GPR153: variants seen among roughly 807,000 people sequenced by gnomAD.
GPR153 encodes probable G protein-coupled receptor 153.
In GPR153, 27 loss-of-function variants were observed where a neutral mutation model predicts 34.1. That is an observed-to-expected ratio of 0.79 (90% CI 0.58 to 1.09). The LOEUF (loss-of-function observed/expected upper bound fraction) is 1.09. Ranked by LOEUF, GPR153 falls within the 50% of genes least tolerant of loss-of-function variation. GPR153 has a pLI of 0.00. For missense variants in GPR153, 848 were observed against 860.2 expected, an observed-to-expected ratio of 0.99 and a Z score of 0.18; for synonymous variants, 408 against 405.4, an observed-to-expected ratio of 1.01 and a Z score of -0.08.
rs5027275 is a variant in GPR153 at position 6,260,386 on chromosome 1, C to A, written c.-110+439G>T. On this transcript the variant is annotated intron_variant, in intron 1 of 5. Transcript: ENST00000377893. ...CCCCTGGGGCTCCGATCCCCCCCCC[C>A]CCCCGCAATCCCCGCTCCGACTCGC... is the stretch of plus-strand genomic sequence containing the variant. Among the ~76,000 whole-genome samples the A allele has an allele frequency of 3.1e-5, 3 of 95,246 alleles. 1 individual carries two copies. Among genetic ancestry groups the A allele is most frequent in the African/African-American group, 1.3e-4 (2 of 15,288 alleles). 62.5% of individuals were successfully genotyped at this position (95,246 alleles called of 152,430 possible).
rs575617658 is a variant in GPR153 at position 6,249,514 on chromosome 1, G to A, written c.1654C>T (p.Pro552Ser). Residue 552 changes from proline to serine, a missense_variant, in exon 6 of 6, where the codon CCC (proline) becomes TCC (serine). By Grantham distance (74) the Pro-to-Ser change is moderately conservative. Coordinates refer to ENST00000377893, the MANE Select transcript of GPR153 (RefSeq NM_207370.4). This position sits in a 1 kb window ranked among gnomAD's most constrained non-coding sequence, Gnocchi z 4.3. ...GAGCCGGCGTGCGAGTGCGCAGAGG[G>A]GCGTGGCCCTGGGCTCCGCTGGGCG... is the stretch of plus-strand genomic sequence containing the variant. ...SSAQRSPGPR[P>S]SAHSHAGSLR... 1.7e-3 allele frequency: 2,131 copies of A among 1,233,008 alleles called. 31 individuals are homozygous for A. In the African/African-American group the frequency reaches 0.031, roughly 18 times the overall value. The allele number at this position is 1,233,008 out of a possible 1,614,324, so 76.4% of individuals were successfully genotyped here. A position where few individuals can be genotyped will look rare whatever the true frequency, so the allele number is the denominator to read the frequency against.
At chr1:6,253,399 AAAAT>A (rs199906420) in intron 3 of GPR153, among the ~76,000 whole-genome samples, 4,775 of 152,244 alleles carry the variant, frequency 0.031, 217 homozygotes, top group African/African-American at 0.11. Context: ...CTCTGTCTCA[AAAAT>A]AAATAAATAA....
At chr1:6,250,377 C>T in intron 5 of GPR153, 63 bp downstream of exon 5, 1 of 1,501,576 alleles carries the variant, frequency 6.7e-7, no homozygotes, top group South Asian at 1.3e-5. Context: ...GTGGAGAGGC[C>T]TCGGGGAGCT....
intron 1 of GPR153, among the ~76,000 whole-genome samples, chr1:6,259,715 G>C (rs111296830): frequency 6.6e-6 from 1 of 152,126 alleles, no homozygotes. Flanking sequence ...CGTGGACACC[G>C]GGTTCCAAGT....
chr1:6,257,213 C>T (rs1638586493), intron 1 of GPR153, among the ~76,000 whole-genome samples: 1 of 151,636 alleles, frequency 6.6e-6, no homozygotes, highest in South Asian at 2.1e-4. Context: ...GAGCCCCCCA[C>T]AGTGGACATC....
chr1:6,250,676 TG>T, intron 4 of GPR153, 52 bp from the exon 5 acceptor site: 1 of 361,234 alleles, frequency 2.8e-6, no homozygotes. Context: ...CATGGAAACT[TG>T]GGGGCATCTG....
chr1:6,250,455 C>T lies in GPR153; in HGVS notation c.1149G>A (p.Lys383=). The T allele has an allele frequency of 1.2e-6, 2 of 1,603,194 alleles. No homozygotes were observed. Among genetic ancestry groups the T allele is most frequent in the East Asian group, 2.2e-5 (1 of 44,514 alleles). Residue 383 remains lysine (K), a synonymous_variant, in exon 5 of 6, where the codon AAG becomes AAA. Transcript: ENST00000377893. Reference sequence around the variant, plus strand: ...CTGCGCTCACCTGCAGGTATTGCATCTTGTCCTCCTGCAAGGGCCGCAGTG... The same window carrying T: ...CTGCGCTCACCTGCAGGTATTGCATTTTGTCCTCCTGCAAGGGCCGCAGTG... ...LYPLRPLQED[K]MQYLQVPPTR... is the part of the protein sequence containing the mutation.
chr1:6,260,301 A>T (rs1638642036), intron 1 of GPR153, among the ~76,000 whole-genome samples: 1 of 148,854 alleles, frequency 6.7e-6, no homozygotes, highest in South Asian at 2.1e-4. Flanking sequence ...AGGGACGCGC[A>T]GCGCGAGGCC....
chr1:6,249,422 G>A lies in GPR153; in HGVS notation c.1746C>T (p.Gly582=). The A allele has an allele frequency of 1.5e-6, 2 of 1,368,438 alleles. No homozygotes were observed. Among genetic ancestry groups the A allele is most frequent in the South Asian group, 1.7e-5 (1 of 57,686 alleles). The allele number at this position is 1,368,438 out of a possible 1,614,324, so 84.8% of individuals were successfully genotyped here. A position where few individuals can be genotyped will look rare whatever the true frequency, so the allele number is the denominator to read the frequency against. The change falls in exon 6 of 6, where the codon GGC becomes GGT. Residue 582 remains glycine, a synonymous_variant. Coordinates refer to ENST00000377893, the MANE Select transcript of GPR153 (RefSeq NM_207370.4). The surrounding 1 kb of genome is among the most constrained non-coding windows in gnomAD (Gnocchi z 4.3). The stretch of plus-strand genomic sequence containing the variant: ...GGGAACTCAGGAAGCTGCTGGTGCT[G>A]CCGCCGCCGCCCGCCGCGCGCAGCC... The part of the protein sequence containing the change: ...PGGLRAAGGG[G]STSSFLSSPS...
rs535366767 is a variant in GPR153, at chr1:6,248,976, T to C, written c.*362A>G. 3.5e-4 allele frequency: 67 copies of C among 190,140 alleles called. No individual in the cohort carries two copies. The highest frequency in any genetic ancestry group is 1.5e-3 in the African/African-American group (63 of 42,952). The allele number at this position is 190,140 out of a possible 1,614,324, so 11.8% of individuals were successfully genotyped here. A position where few individuals can be genotyped will look rare whatever the true frequency, so the allele number is the denominator to read the frequency against. ...AGCGGGGCTTTGTCCGATCCCGCAG[T>C]GGCCCTGTCTCAGGTTCCCTGCTCC... On this transcript the variant is annotated 3_prime_UTR_variant, in exon 6 of 6. Coordinates refer to ENST00000377893, the MANE Select transcript of GPR153 (RefSeq NM_207370.4).
In GPR153 at chr1:6,251,025, G is replaced by A. The variant is rs573182789; in HGVS notation, c.979+313C>T. Among the ~76,000 whole-genome samples, 90 of 152,256 alleles carry A rather than the reference G, an allele frequency of 5.9e-4. No individual in the cohort carries two copies. Among genetic ancestry groups the A allele is most frequent in the Non-Finnish European group, 1.1e-3 (77 of 67,996 alleles). On this transcript the variant is annotated intron_variant, in intron 4 of 5. Transcript: ENST00000377893. The surrounding 1 kb of genome is among the most constrained non-coding windows in gnomAD (Gnocchi z 4.9). Reference sequence around the variant, plus strand: ...GGAGCCCCCAGGGCAGCTTGCTGGGGATCCCTGAGGTTGGGGGGTGAGCCC... The same window carrying A: ...GGAGCCCCCAGGGCAGCTTGCTGGGAATCCCTGAGGTTGGGGGGTGAGCCC...
At chr1:6,254,178 C>G in intron 2 of GPR153, 31 bp from the exon 3 acceptor site, 1 of 1,577,380 alleles carries the variant, frequency 6.3e-7, no homozygotes, top group Non-Finnish European at 8.6e-7. Flanking sequence ...ACAGAGGGAT[C>G]TGGCGTCACC....
In GPR153 at chr1:6,251,342, G is replaced by T. The variant is rs143403019; in HGVS notation, c.975C>A (p.Asp325Glu). 1 of 1,603,110 alleles carries T rather than the reference G, an allele frequency of 6.2e-7. No homozygotes were observed. Residue 325 changes from aspartate to glutamate, a missense_variant, in exon 4 of 6, where the codon GAC (aspartate) becomes GAA (glutamate). Coordinates refer to ENST00000377893, the MANE Select transcript of GPR153 (RefSeq NM_207370.4). The surrounding 1 kb of genome is among the most constrained non-coding windows in gnomAD (Gnocchi z 4.9). ...CCACTCTCAGGCCATCCTCACCATC[G>T]TCTGACTCCTCGTCGTTGGCCATGA... ...MALMANDEES[D>E]DETSLEGGIS...
Position 6,249,464 on chromosome 1 carries a change from C to G in GPR153, c.1704G>C (p.Ser568=), listed in dbSNP as rs1247584528. 1 of 1,333,338 alleles carries G rather than the reference C, an allele frequency of 7.5e-7. No individual in the cohort carries two copies. The highest frequency in any genetic ancestry group is 9.5e-7 in the Non-Finnish European group (1 of 1,048,252). The allele number at this position is 1,333,338 out of a possible 1,614,324, so 82.6% of individuals were successfully genotyped here. A position where few individuals can be genotyped will look rare whatever the true frequency, so the allele number is the denominator to read the frequency against. Residue 568 remains serine, a synonymous_variant, in exon 6 of 6, where the codon TCG becomes TCC. Transcript: ENST00000377893. The surrounding 1 kb of genome is among the most constrained non-coding windows in gnomAD (Gnocchi z 4.3). The stretch of plus-strand genomic sequence containing the variant: ...CGCGCAGCCCCCCGGGCTCGCCCCA[C>G]GACGCGCTCAGGCCGGGGCGCAGAG... ...AGSLRPGLSA[S]WGEPGGLRAA... is the part of the protein sequence containing the mutation.
rs1557610093 is a variant in GPR153 at position 6,249,050 on chromosome 1, CAT to C, written c.*286_*287del. 1 of 303,832 alleles carries C rather than the reference CAT, an allele frequency of 3.3e-6. No individual in the cohort carries two copies. Among genetic ancestry groups the C allele is most frequent in the Non-Finnish European group, 6.0e-6 (1 of 165,630 alleles). 18.8% of individuals were successfully genotyped at this position (303,832 alleles called of 1,614,324 possible). A position where few individuals can be genotyped will look rare whatever the true frequency, so the allele number is the denominator to read the frequency against. ...GTGATGGCGCAGCTGGACGTGTGCACATGTCACTCACTACCCAAGCCCAAGCT... is the reference window on the plus strand; with the variant it reads ...GTGATGGCGCAGCTGGACGTGTGCACGTCACTCACTACCCAAGCCCAAGCT... On this transcript the variant is annotated 3_prime_UTR_variant, in exon 6 of 6. Coordinates refer to ENST00000377893, the MANE Select transcript of GPR153 (RefSeq NM_207370.4). The surrounding 1 kb of genome is among the most constrained non-coding windows in gnomAD (Gnocchi z 4.3).
At position 6,253,944 on chromosome 1, in the gene GPR153, C is replaced by T; in HGVS notation, c.560G>A (p.Gly187Asp). The stretch of plus-strand genomic sequence containing the variant: ...GAGGGCGATGGCTGTGCAGATCACG[C>T]CCATGGCCACGCTGCCGCCCACCAG... ...LLLVGGSVAMGVICTAIALFQ... is the reference protein window; with the variant it reads ...LLLVGGSVAMDVICTAIALFQ... The change falls in exon 3 of 6, where the codon GGC (glycine) becomes GAC (aspartate). Residue 187 changes from glycine (G) to aspartate (D), a missense_variant. Physicochemically the swap from Gly to Asp is moderately conservative, Grantham distance 94 (BLOSUM62 -1). Coordinates refer to ENST00000377893, the MANE Select transcript of GPR153 (RefSeq NM_207370.4). 1.2e-6 allele frequency: 2 copies of T among 1,612,092 alleles called. No homozygotes were observed. Among genetic ancestry groups the T allele is most frequent in the Non-Finnish European group, 1.7e-6 (2 of 1,179,544 alleles).
chr1:6,251,204 G>T lies in GPR153; in HGVS notation c.979+134C>A, dbSNP rs762736075. ...CTTGGACATTCAAGTACATTTGGGG[G>T]TGACACGGGGTGTCTGGTGGTTGAG... On this transcript the variant is annotated intron_variant, in intron 4 of 5. Coordinates refer to ENST00000377893, the MANE Select transcript of GPR153 (RefSeq NM_207370.4). The surrounding 1 kb of genome is among the most constrained non-coding windows in gnomAD (Gnocchi z 4.9). 4 of 719,108 alleles carry T rather than the reference G, an allele frequency of 5.6e-6. No individual in the cohort carries two copies. The highest frequency in any genetic ancestry group is 2.6e-5 in the East Asian group (1 of 38,900). The allele number at this position is 719,108 out of a possible 1,614,324, so 44.5% of individuals were successfully genotyped here. A position where few individuals can be genotyped will look rare whatever the true frequency, so the allele number is the denominator to read the frequency against.
chr1:6,251,632 TG>T lies in GPR153; in HGVS notation c.787-103del. On this transcript the variant is annotated intron_variant, in intron 3 of 5. Coordinates refer to ENST00000377893, the MANE Select transcript of GPR153 (RefSeq NM_207370.4). The surrounding 1 kb of genome is among the most constrained non-coding windows in gnomAD (Gnocchi z 4.9). ...CCATGTGTACGGCAGGTCTGACAGG[TG>T]GGTATCTGCCAAGGAGAAGGGGCCC... 1 of 1,278,740 alleles carries T rather than the reference TG, an allele frequency of 7.8e-7. No individual in the cohort carries two copies. Among genetic ancestry groups the T allele is most frequent in the Non-Finnish European group, 1.0e-6 (1 of 958,096 alleles). 79.2% of individuals were successfully genotyped at this position (1,278,740 alleles called of 1,614,324 possible).
chr1:6,251,384 C>T lies in GPR153; in HGVS notation c.933G>A (p.Arg311=). The part of the protein sequence containing the change: ...DRYRADLKAV[R]EKCMALMAND... ...TGGCCATGAGGGCCATGCACTTCTC[C>T]CGGACAGCTTTGAGGTCAGCCCGGT... The change falls in exon 4 of 6, where the codon CGG becomes CGA. Residue 311 remains arginine, a synonymous_variant. Transcript: ENST00000377893. The surrounding 1 kb of genome is among the most constrained non-coding windows in gnomAD (Gnocchi z 4.9). 3 of 1,613,330 alleles carry T rather than the reference C, an allele frequency of 1.9e-6. No homozygotes were observed.
Sources: gnomAD v4.1 joint callset for allele counts (sites outside exome capture counted in the v4.1 genomes callset) on GRCh38, gnomAD v4.1.1 for gene constraint, Gnocchi (gnomAD v3.1) non-coding constraint, MANE v1.5 for transcripts, NCBI Gene and HGNC (gene_info 2026-07-23, HGNC 2026-07-21) for gene names.